KNDC1: variants seen among roughly 807,000 people sequenced by gnomAD.
KNDC1 encodes the protein kinase non-catalytic C-lobe domain-containing protein 1.
KNDC1 carries 106 observed loss-of-function variants against 172.8 expected under a neutral mutation model. The observed-to-expected ratio is 0.61, with a 90% CI of 0.52 to 0.72. The LOEUF (loss-of-function observed/expected upper bound fraction) is 0.72, where lower values mean the gene tolerates loss of function less well. Among genes scored for constraint, KNDC1 ranks in the 30% least tolerant of loss-of-function variants. The pLI is 0.00. For synonymous variants in KNDC1, 1,083 were observed against 1,062.2 expected (o/e 1.02, Z -0.38); for missense variants, 2,325 against 2,394.5 (o/e 0.97, Z 0.61).
intron 9 of KNDC1, among the ~76,000 whole-genome samples, chr10:133,193,374 A>G (rs11101629): frequency 0.022 from 3,341 of 152,200 alleles, 45 homozygotes; most frequent in Middle Eastern, 0.034. Flanking sequence ...AAAATACAAA[A>G]ATTTGCCAGG....
rs1845704782 is a variant in KNDC1 at position 133,225,670 on chromosome 10, G to GTCTT, written c.*780_*781insTCTT. Reference sequence around the variant, plus strand: ...AGCTCCAAGACAGAGGCTCTGTGGCGGGGGTCCCTGAGAGTGCCCCCACCC... The same window carrying GTCTT: ...AGCTCCAAGACAGAGGCTCTGTGGCGTCTTGGGGTCCCTGAGAGTGCCCCCACCC... On this transcript the variant is annotated 3_prime_UTR_variant, in exon 30 of 30. Transcript: ENST00000304613. The GTCTT allele has an allele frequency of 6.6e-6, 1 of 152,396 alleles. No homozygotes were observed. Among genetic ancestry groups the GTCTT allele is most frequent in the South Asian group, 2.1e-4 (1 of 4,838 alleles). The allele number at this position is 152,396 out of a possible 1,614,324, so 9.4% of individuals were successfully genotyped here.
chr10:133,176,292 GATGGATGGATAA>G (rs1443058136), intron 3 of KNDC1, among the ~76,000 whole-genome samples: 7 of 151,944 alleles, frequency 4.6e-5, no homozygotes, highest in African/African-American at 1.5e-4. Flanking sequence ...GGGATGGGCA[GATGGATGGATAA>G]GTGGATGGAT....
intron 9 of KNDC1, among the ~76,000 whole-genome samples, chr10:133,191,296 G>C (rs560319263): frequency 7.9e-5 from 12 of 151,142 alleles, no homozygotes; most frequent in Non-Finnish European, 1.3e-4. Context: ...CCAGCTACTC[G>C]GGAGGCTGAG....
intron 3 of KNDC1, among the ~76,000 whole-genome samples, chr10:133,175,077 G>T (rs1853489990): frequency 6.6e-6 from 1 of 150,900 alleles, no homozygotes; most frequent in Admixed American, 6.6e-5. Flanking sequence ...ATGGGTGGGT[G>T]GATGGGTGGA....
chr10:133,215,495 A>T (rs2136027990), intron 26 of KNDC1, among the ~76,000 whole-genome samples: 1 of 152,364 alleles, frequency 6.6e-6, no homozygotes, highest in South Asian at 2.1e-4. Flanking sequence ...GGGGCGTGGG[A>T]ACAGGGAGCC....
At chr10:133,205,103 A>G (rs1227051402) in intron 17 of KNDC1, among the ~76,000 whole-genome samples, 2 of 151,038 alleles carry the variant, frequency 1.3e-5, no homozygotes, top group Non-Finnish European at 3.0e-5. Context: ...CTGTACCCCT[A>G]GAGGGAAGGG....
rs374098393 is a variant in KNDC1 at position 133,168,274 on chromosome 10, G to A, written c.322G>A (p.Val108Ile). The stretch of plus-strand genomic sequence containing the variant: ...CCAAGACGACCCTGAGGGTGCCTTC[G>A]TTCCCCCCGAGTTCGACGTGACCGG... ...QLSDDPEGAF[V>I]PPEFDVTGNT... is the part of the protein sequence containing the mutation. The change falls in exon 3 of 30, where the codon GTT becomes ATT. Residue 108 changes from valine (V) to isoleucine (I), a missense_variant. Physicochemically the swap from Val to Ile is conservative, Grantham distance 29. Coordinates refer to ENST00000304613, the MANE Select transcript of KNDC1 (RefSeq NM_152643.8). The A allele has an allele frequency of 9.3e-6, 15 of 1,613,980 alleles. No individual in the cohort carries two copies. The highest frequency in any genetic ancestry group is 6.7e-5 in the East Asian group (3 of 44,878).
rs868053837 is a variant in KNDC1 at position 133,201,824 on chromosome 10, G to T, written c.3313G>T (p.Ala1105Ser). The T allele has an allele frequency of 2.0e-6, 3 of 1,496,248 alleles. No individual in the cohort carries two copies. The highest frequency in any genetic ancestry group is 3.6e-4 in the Middle Eastern group (2 of 5,518). 92.7% of individuals were successfully genotyped at this position (1,496,248 alleles called of 1,614,324 possible). The part of the protein sequence containing the change: ...SAFYEADCFG[A>S]DVHNYVKDLG... ...CTTCTACGAGGCCGACTGCTTCGGG[G>T]CCGACGTCCACAACTACGTGAAGGA... The change falls in exon 17 of 30, where the codon GCC (alanine) becomes TCC (serine). Residue 1105 changes from alanine to serine, a missense_variant. Ala to Ser is a moderately conservative substitution (Grantham distance 99, BLOSUM62 1). Coordinates refer to ENST00000304613, the MANE Select transcript of KNDC1 (RefSeq NM_152643.8).
Position 133,197,063 on chromosome 10 carries a change from C to CG in KNDC1, c.1742dup (p.Ser582GlnfsTer41). The CG allele has an allele frequency of 6.2e-7, 1 of 1,612,590 alleles. No homozygotes were observed. The highest frequency in any genetic ancestry group is 8.5e-7 in the Non-Finnish European group (1 of 1,179,358). ...GAACTGTCTCCTCCCTCCAGGTGTG[C>CG]GGCAGCTACCTCCTCCAGCGAGGCA... On this transcript the variant is annotated frameshift_variant, in exon 11 of 30. Coordinates refer to ENST00000304613, the MANE Select transcript of KNDC1 (RefSeq NM_152643.8). LOFTEE classifies it high-confidence loss of function.
intron 3 of KNDC1, among the ~76,000 whole-genome samples, chr10:133,174,798 G>A (rs1215973077): frequency 6.6e-6 from 1 of 151,854 alleles, no homozygotes; most frequent in East Asian, 1.9e-4. Flanking sequence ...TGGACGAATG[G>A]GCGGATGGGT....
At chr10:133,167,636 CAG>C (rs988563685) in intron 2 of KNDC1, 57 bp downstream of exon 2, 7 of 1,512,134 alleles carry the variant, frequency 4.6e-6, no homozygotes, top group African/African-American at 2.8e-5. Context: ...AGGTGCCTTT[CAG>C]GGGGGATGTG....
At chr10:133,222,140 G>A (rs1223647020) in intron 29 of KNDC1, among the ~76,000 whole-genome samples, 16 of 150,478 alleles carry the variant, frequency 1.1e-4, no homozygotes, top group African/African-American at 2.9e-4. Flanking sequence ...AAAATTAGCC[G>A]GGCGCGGTGG....
At chr10:133,192,309 C>T (rs764616981) in intron 9 of KNDC1, among the ~76,000 whole-genome samples, 2 of 152,156 alleles carry the variant, frequency 1.3e-5, no homozygotes, top group Non-Finnish European at 2.9e-5. Flanking sequence ...AACACATAGA[C>T]CAATGGAAGA....
At chr10:133,177,786 T>A (rs1853590223) in intron 3 of KNDC1, among the ~76,000 whole-genome samples, 1 of 152,056 alleles carries the variant, frequency 6.6e-6, no homozygotes, top group Admixed American at 6.6e-5. Context: ...GTGTGTAGCA[T>A]GCCTGTGTAT....
At chr10:133,222,333 C>T (rs1845614254) in intron 29 of KNDC1, among the ~76,000 whole-genome samples, 1 of 152,126 alleles carries the variant, frequency 6.6e-6, no homozygotes, top group South Asian at 2.1e-4. Context: ...GAAAACAAGC[C>T]AAGAGTGGCA....
chr10:133,161,085 G>C (rs1852953415), intron 1 of KNDC1, among the ~76,000 whole-genome samples: 1 of 152,036 alleles, frequency 6.6e-6, no homozygotes, highest in African/African-American at 2.4e-5. Context: ...ACCCCGCAAG[G>C]TGCAGAGGGG....
intron 16 of KNDC1, 130 bp downstream of exon 16, chr10:133,200,590 CG>C: frequency 1.5e-6 from 1 of 663,366 alleles, no homozygotes. Context: ...GCCTTTGCCC[CG>C]GGGGTGCCCA....
intron 9 of KNDC1, among the ~76,000 whole-genome samples, chr10:133,193,934 A>G (rs1854123162): frequency 6.6e-6 from 1 of 152,240 alleles, no homozygotes; most frequent in African/African-American, 2.4e-5. Context: ...AGCAAAACTG[A>G]TAGAATTAAT....
intron 26 of KNDC1, 106 bp downstream of exon 26, chr10:133,214,228 T>A: frequency 8.2e-7 from 1 of 1,222,178 alleles, no homozygotes; most frequent in Non-Finnish European, 1.1e-6. Flanking sequence ...CCCAATGCAG[T>A]GAACCCAACT....
Sources: gnomAD v4.1 joint callset for allele counts (sites outside exome capture counted in the v4.1 genomes callset) on GRCh38, gnomAD v4.1.1 for gene constraint, MANE v1.5 for transcripts, NCBI Gene and HGNC (gene_info 2026-07-23, HGNC 2026-07-21) for gene names.